The following EDA variants were observed in gnomAD, a reference collection of about 807,000 sequenced individuals.
The protein encoded by EDA is ectodysplasin-A.
In EDA, 2 loss-of-function variants were observed where a neutral mutation model predicts 23.6. The ratio of observed to expected loss-of-function variants is 0.08; its 90% CI spans 0.03 to 0.27. The LOEUF (loss-of-function observed/expected upper bound fraction) is 0.27. EDA is among the 10% of genes least tolerant of loss of function. The pLI is 1.00. For synonymous variants in EDA, 131 were observed against 132.0 expected, an observed-to-expected ratio of 0.99 and a Z score of 0.05; for missense variants, 229 against 324.2, an observed-to-expected ratio of 0.71 and a Z score of 2.26.
chrX:70,012,580 G>A (rs1294061049), intron 2 of EDA, among the ~76,000 whole-genome samples: 1 of 112,588 alleles, frequency 8.9e-6, no homozygotes, highest in Non-Finnish European at 1.9e-5. Context: ...AGCACTTGTG[G>A]GAAATGTGAT....
intron 1 of EDA, among the ~76,000 whole-genome samples, chrX:69,710,525 AAG>A (rs201285251): frequency 0.014 from 1,527 of 111,635 alleles, 19 homozygotes; most frequent in African/African-American, 0.045. Flanking sequence ...CAATTCTGTG[AAG>A]AGAGTCATTG....
intron 1 of EDA, among the ~76,000 whole-genome samples, chrX:69,724,765 CG>C (rs759873558): frequency 8.2e-4 from 92 of 112,115 alleles, no homozygotes; most frequent in African/African-American, 2.9e-3. Context: ...TATTCAGTCA[CG>C]CAAGTAACTA....
At chrX:70,012,847 T>C (rs1387795157) in intron 2 of EDA, among the ~76,000 whole-genome samples, 1 of 111,557 alleles carries the variant, frequency 9.0e-6, no homozygotes, top group African/African-American at 3.3e-5. Context: ...ACCCCACCGC[T>C]ACCTGGGCTC....
At chrX:69,668,284 T>C (rs763128158) in intron 1 of EDA, among the ~76,000 whole-genome samples, 5 of 112,076 alleles carry the variant, frequency 4.5e-5, no homozygotes, top group Non-Finnish European at 5.6e-5. Context: ...CTTACTGTTA[T>C]TGATTTCTAG....
chrX:69,987,801 T>G (rs1234851243), intron 2 of EDA, among the ~76,000 whole-genome samples: 1 of 111,359 alleles, frequency 9.0e-6, no homozygotes, highest in Non-Finnish European at 1.9e-5. Context: ...GACAGCTTGC[T>G]CTTAATCCAC....
chrX:69,851,390 C>G (rs962339560), intron 1 of EDA, among the ~76,000 whole-genome samples: 2 of 112,197 alleles, frequency 1.8e-5, no homozygotes, highest in African/African-American at 6.5e-5. Context: ...TATGTTCTAA[C>G]TAAATTTAAC....
chrX:69,781,197 G>A (rs2014931748), intron 1 of EDA, among the ~76,000 whole-genome samples: 1 of 111,247 alleles, frequency 9.0e-6, no homozygotes, highest in Non-Finnish European at 1.9e-5. Flanking sequence ...AATCTTCTGT[G>A]AACACTCATG....
intron 1 of EDA, among the ~76,000 whole-genome samples, chrX:69,945,090 C>A (rs1406318066): frequency 1.8e-5 from 2 of 112,265 alleles, no homozygotes; most frequent in Admixed American, 1.9e-4. Flanking sequence ...GTCTTTCCTA[C>A]CCTCTTCACT....
chrX:69,773,110 C>T (rs2520387), intron 1 of EDA, among the ~76,000 whole-genome samples: 36,821 of 110,884 alleles, frequency 0.33, 5,084 homozygotes, highest in Middle Eastern at 0.55. Context: ...TAATCTACTT[C>T]CTATTTCAAT....
intron 1 of EDA, among the ~76,000 whole-genome samples, chrX:69,952,567 A>G (rs2147412413): frequency 8.9e-6 from 1 of 112,234 alleles, no homozygotes; most frequent in East Asian, 2.8e-4. Context: ...CAGCCAAACC[A>G]TGAACTATGT....
chrX:69,820,585 T>A (rs2016195665), intron 1 of EDA, among the ~76,000 whole-genome samples: 1 of 112,208 alleles, frequency 8.9e-6, no homozygotes, highest in Non-Finnish European at 1.9e-5. Context: ...TCAAAGGACA[T>A]GAACAGACAC....
chrX:69,958,415 C>G (rs1177377760), intron 2 of EDA, among the ~76,000 whole-genome samples: 1 of 108,760 alleles, frequency 9.2e-6, no homozygotes, highest in Non-Finnish European at 1.9e-5. Context: ...AGGGCGGAAG[C>G]TATTAAAGAG....
At chrX:69,860,038 AGG>A (rs1326959499) in intron 1 of EDA, among the ~76,000 whole-genome samples, 1 of 109,693 alleles carries the variant, frequency 9.1e-6, no homozygotes, top group Non-Finnish European at 1.9e-5. Flanking sequence ...ATCAGAAATC[AGG>A]GTTGCAACAA....
At chrX:69,674,117 A>G (rs1477787208) in intron 1 of EDA, among the ~76,000 whole-genome samples, 1 of 104,997 alleles carries the variant, frequency 9.5e-6, no homozygotes, top group Non-Finnish European at 1.9e-5. Context: ...CTATCTATCT[A>G]TCTATCTATC....
intron 1 of EDA, among the ~76,000 whole-genome samples, chrX:69,754,562 G>C (rs1193121264): frequency 1.8e-5 from 2 of 111,336 alleles, no homozygotes; most frequent in Non-Finnish European, 3.8e-5. Context: ...CTGTTCTCGA[G>C]TATCTTTGTG....
intron 1 of EDA, among the ~76,000 whole-genome samples, chrX:69,887,032 A>T (rs1257741766): frequency 8.9e-6 from 1 of 112,449 alleles, no homozygotes; most frequent in Non-Finnish European, 1.9e-5. Context: ...AGATCTACAA[A>T]TTACCTGACA....
At chrX:70,016,998 A>G (rs1182927121) in intron 2 of EDA, among the ~76,000 whole-genome samples, 1 of 111,162 alleles carries the variant, frequency 9.0e-6, no homozygotes, top group African/African-American at 3.3e-5. Context: ...ATCAAAATAA[A>G]CACAGTCAGA....
At chrX:70,028,825 C>T (rs1321068769) in intron 4 of EDA, among the ~76,000 whole-genome samples, 1 of 112,769 alleles carries the variant, frequency 8.9e-6, no homozygotes, top group Non-Finnish European at 1.9e-5. Context: ...CTTTCTCCTG[C>T]TCCTCACTCC....
intron 1 of EDA, among the ~76,000 whole-genome samples, chrX:69,903,963 A>G (rs1223388835): frequency 9.2e-6 from 1 of 109,024 alleles, no homozygotes; most frequent in African/African-American, 3.3e-5. Flanking sequence ...GGCGCCCACC[A>G]CCATGCCTGG....
Sources: gnomAD v4.1 joint callset for allele counts (sites outside exome capture counted in the v4.1 genomes callset) on GRCh38, gnomAD v4.1.1 for gene constraint, MANE v1.5 for transcripts, NCBI Gene and HGNC (gene_info 2026-07-23, HGNC 2026-07-21) for gene names.